DPP6: variants seen among roughly 807,000 people sequenced by gnomAD.
DPP6 encodes the protein dipeptidyl peptidase like 6, also known as A-type potassium channel modulatory protein DPP6.
A neutral mutation model predicts 122.6 loss-of-function variants in DPP6; 69 were observed. The ratio of observed to expected loss-of-function variants is 0.56; its 90% CI spans 0.46 to 0.69. The LOEUF (loss-of-function observed/expected upper bound fraction) is 0.69. Among genes scored for constraint, DPP6 ranks in the 30% least tolerant of loss-of-function variants. The pLI is 0.00. For synonymous variants in DPP6, 418 were observed against 433.1 expected (o/e 0.97, Z 0.43); for missense variants, 928 against 1,116.9 (o/e 0.83, Z 2.41).
At chr7:154,008,063 C>T (rs1257074315) in intron 1 of DPP6, among the ~76,000 whole-genome samples, 52 of 152,056 alleles carry the variant, frequency 3.4e-4, no homozygotes, top group African/African-American at 1.2e-3. Context: ...TATTAATGAC[C>T]GTAAGGCAAT....
At chr7:154,569,372 G>C (rs1028959887) in intron 5 of DPP6, among the ~76,000 whole-genome samples, 5 of 151,846 alleles carry the variant, frequency 3.3e-5, no homozygotes, top group Non-Finnish European at 7.4e-5. Context: ...ACAATTAAAG[G>C]TTCCATATTC....
intron 10 of DPP6, among the ~76,000 whole-genome samples, chr7:154,778,950 AGCTCTAC>A (rs1796787028): frequency 2.6e-5 from 3 of 116,356 alleles, no homozygotes; most frequent in South Asian, 2.9e-4. Context: ...TTCCACCACC[AGCTCTAC>A]CATCACCTCC....
intron 1 of DPP6, among the ~76,000 whole-genome samples, chr7:153,983,358 C>G (rs1265524228): frequency 6.6e-6 from 1 of 152,216 alleles, no homozygotes; most frequent in African/African-American, 2.4e-5. Flanking sequence ...AGGGGAAAAC[C>G]ACGTACTCAA....
At chr7:153,860,620 G>C in the DPP6 span, among the ~76,000 whole-genome samples, 4 of 149,740 alleles carry the variant, frequency 2.7e-5, no homozygotes, top group Non-Finnish European at 2.9e-5. Flanking sequence ...CACTATCCTT[G>C]GGTGGTTTCC....
chr7:154,880,949 C>A lies in DPP6; in HGVS notation c.2133+7C>A. On this transcript the variant is annotated splice_region_variant and intron_variant, in intron 21 of 25. Coordinates refer to ENST00000377770, the MANE Select transcript of DPP6 (RefSeq NM_130797.4). ...CGTGGCCGTGTTTGGGAAGGTGAGT[C>A]TGCGCCACCCTGGTCTGAAAACCCC... The A allele has an allele frequency of 6.2e-7, 1 of 1,613,876 alleles. No individual in the cohort carries two copies. The highest frequency in any genetic ancestry group is 1.1e-5 in the South Asian group (1 of 91,074).
intron 1 of DPP6, among the ~76,000 whole-genome samples, chr7:154,193,016 C>T (rs900638972): frequency 6.6e-6 from 1 of 152,232 alleles, no homozygotes; most frequent in Non-Finnish European, 1.5e-5. Context: ...GTTAATGCTT[C>T]CTGTATACAT....
At chr7:154,424,418 T>C (rs987918710) in intron 1 of DPP6, among the ~76,000 whole-genome samples, 6 of 152,212 alleles carry the variant, frequency 3.9e-5, no homozygotes, top group Admixed American at 3.3e-4. Flanking sequence ...GCAGGGAATC[T>C]GTTTCCTGCT....
intron 16 of DPP6, among the ~76,000 whole-genome samples, chr7:154,822,296 A>C (rs1799845164): frequency 6.6e-6 from 1 of 152,156 alleles, no homozygotes; most frequent in African/African-American, 2.4e-5. Flanking sequence ...ACAGTTCCAG[A>C]GGGTGGGAAG....
chr7:154,871,442 T>C (rs73728627), intron 18 of DPP6, among the ~76,000 whole-genome samples: 11,702 of 152,288 alleles, frequency 0.077, 1,466 homozygotes, highest in African/African-American at 0.26. Context: ...TTTGTTTTTT[T>C]ACTTTATGCT....
intron 5 of DPP6, among the ~76,000 whole-genome samples, chr7:154,570,724 G>A (rs142558706): frequency 6.6e-6 from 1 of 152,154 alleles, no homozygotes; most frequent in Non-Finnish European, 1.5e-5. Flanking sequence ...AGCTTGGCTA[G>A]CATCCTTGAA....
chr7:154,681,180 C>T (rs1447894481), intron 7 of DPP6, among the ~76,000 whole-genome samples: 2 of 152,144 alleles, frequency 1.3e-5, no homozygotes, highest in East Asian at 1.9e-4. Context: ...GGGTTAAAAC[C>T]GGGCCTGACC....
intron 4 of DPP6, among the ~76,000 whole-genome samples, chr7:154,557,136 T>C (rs1172968730): frequency 6.6e-6 from 1 of 152,176 alleles, no homozygotes; most frequent in African/African-American, 2.4e-5. Flanking sequence ...AACTCATCTG[T>C]AGCACCCATC....
At chr7:154,884,710 T>C in intron 21 of DPP6, 1 of 117,294 alleles carries the variant, frequency 8.5e-6, no homozygotes, top group Middle Eastern at 5.6e-3. Context: ...CAGGCACACA[T>C]GATCACACAT....
chr7:153,831,324 A>G, the DPP6 span, among the ~76,000 whole-genome samples: 1 of 152,146 alleles, frequency 6.6e-6, no homozygotes, highest in Non-Finnish European at 1.5e-5. Context: ...TCTATGACCT[A>G]TAAAGAAGAG....
At chr7:154,005,653 C>T (rs1226844069) in intron 1 of DPP6, among the ~76,000 whole-genome samples, 1 of 144,594 alleles carries the variant, frequency 6.9e-6, no homozygotes, top group Non-Finnish European at 1.5e-5. Context: ...GAGGCTGGAC[C>T]TCGGGGATTG....
chr7:154,872,213 G>A (rs191653198), intron 18 of DPP6, among the ~76,000 whole-genome samples: 1 of 152,210 alleles, frequency 6.6e-6, no homozygotes, highest in East Asian at 1.9e-4. Context: ...TCCTCTCCCT[G>A]CCTCCCTGCT....
At chr7:154,573,817 G>C (rs1831281674) in intron 5 of DPP6, among the ~76,000 whole-genome samples, 1 of 152,148 alleles carries the variant, frequency 6.6e-6, no homozygotes, top group Non-Finnish European at 1.5e-5. Context: ...CTGTTTAAAG[G>C]CTAAGCCTGT....
chr7:154,295,692 A>C (rs1384900929), intron 1 of DPP6, among the ~76,000 whole-genome samples: 1 of 151,864 alleles, frequency 6.6e-6, no homozygotes, highest in Non-Finnish European at 1.5e-5. Context: ...CTCAGTGCAC[A>C]TGATATTATG....
At chr7:154,143,586 T>A (rs1172080817) in intron 1 of DPP6, among the ~76,000 whole-genome samples, 9 of 152,158 alleles carry the variant, frequency 5.9e-5, no homozygotes. Context: ...TTGGCAAAAT[T>A]CTTTCTGGGA....
Sources: gnomAD v4.1 joint callset for allele counts (sites outside exome capture counted in the v4.1 genomes callset) on GRCh38, gnomAD v4.1.1 for gene constraint, MANE v1.5 for transcripts, NCBI Gene and HGNC (gene_info 2026-07-23, HGNC 2026-07-21) for gene names.